The following ANKRD6 variants were observed in gnomAD, a reference collection of about 807,000 sequenced individuals.
The protein encoded by ANKRD6 is ankyrin repeat domain 6, also known as ankyrin repeat domain-containing protein 6.
A neutral mutation model predicts 82.3 loss-of-function variants in ANKRD6; 56 were observed. The ratio of observed to expected loss-of-function variants is 0.68; its 90% CI spans 0.55 to 0.85. The LOEUF (loss-of-function observed/expected upper bound fraction) is 0.85, where lower values mean the gene tolerates loss of function less well. Ranked by LOEUF, ANKRD6 falls within the 40% of genes least tolerant of loss-of-function variation. The pLI is 0.00. For missense variants in ANKRD6, 852 were observed against 907.6 expected, an observed-to-expected ratio of 0.94 and a Z score of 0.79; for synonymous variants, 347 against 352.1, an observed-to-expected ratio of 0.99 and a Z score of 0.16.
chr6:89,612,835 G>A (rs939324267), intron 6 of ANKRD6, among the ~76,000 whole-genome samples: 24 of 152,210 alleles, frequency 1.6e-4, no homozygotes, highest in Non-Finnish European at 2.9e-4. Flanking sequence ...TGAGCTGACC[G>A]GAAAGGTCAC....
At chr6:89,502,425 C>T (rs917291643) in intron 1 of ANKRD6, among the ~76,000 whole-genome samples, 3 of 152,008 alleles carry the variant, frequency 2.0e-5, no homozygotes, top group African/African-American at 7.2e-5. Context: ...GCAGGTGGAT[C>T]GCTTGAGCCC....
intron 1 of ANKRD6, among the ~76,000 whole-genome samples, chr6:89,544,114 G>A (rs537140124): frequency 2.6e-5 from 4 of 152,134 alleles, no homozygotes; most frequent in Non-Finnish European, 5.9e-5. Flanking sequence ...TGGGATCATG[G>A]TCTGATGGTT....
chr6:89,490,225 C>T (rs1014612935), intron 1 of ANKRD6, among the ~76,000 whole-genome samples: 5 of 152,204 alleles, frequency 3.3e-5, no homozygotes, highest in Admixed American at 6.5e-5. Flanking sequence ...TTAGCAATCA[C>T]CTCAGTCAGT....
chr6:89,532,260 A>G (rs1464686049), intron 1 of ANKRD6, among the ~76,000 whole-genome samples: 1 of 152,226 alleles, frequency 6.6e-6, no homozygotes. Flanking sequence ...CCAAATTGAC[A>G]TTATTAACCA....
intron 1 of ANKRD6, among the ~76,000 whole-genome samples, chr6:89,533,868 C>T (rs1448319556): frequency 1.3e-5 from 2 of 152,010 alleles, no homozygotes; most frequent in Non-Finnish European, 2.9e-5. Context: ...GGGGAAGCTG[C>T]TTTCTTTGAG....
chr6:89,580,240 A>C (rs996388517), intron 2 of ANKRD6, among the ~76,000 whole-genome samples: 45 of 150,818 alleles, frequency 3.0e-4, no homozygotes, highest in African/African-American at 1.1e-3. Flanking sequence ...AACTCTCTTA[A>C]TTGTTACAGA....
chr6:89,623,528 G>A lies in ANKRD6; in HGVS notation c.1016G>A (p.Arg339Lys), dbSNP rs1272759745. 3.2e-6 allele frequency: 5 copies of A among 1,585,142 alleles called. No individual in the cohort carries two copies. Among genetic ancestry groups the A allele is most frequent in the Non-Finnish European group, 4.3e-6 (5 of 1,165,722 alleles). Residue 339 changes from arginine (R) to lysine (K), a missense_variant, in exon 11 of 16, where the codon AGA (arginine) becomes AAA (lysine). Coordinates refer to ENST00000339746, the MANE Select transcript of ANKRD6 (RefSeq NM_001242809.2). The stretch of plus-strand genomic sequence containing the variant: ...CCCAGAGCAAAGGATGACAGGAGGA[G>A]AAAGTCAAGGCCCAAGGTCAGGAGA... ...PEPRAKDDRR[R>K]KSRPKVSAFS...
At chr6:89,573,364 C>A (rs1276110448) in intron 2 of ANKRD6, among the ~76,000 whole-genome samples, 1 of 152,194 alleles carries the variant, frequency 6.6e-6, no homozygotes, top group Admixed American at 6.5e-5. Context: ...CATCTACTAT[C>A]TGATAACTCT....
chr6:89,558,181 G>A (rs564844113), intron 1 of ANKRD6, among the ~76,000 whole-genome samples: 1 of 152,214 alleles, frequency 6.6e-6, no homozygotes, highest in South Asian at 2.1e-4. Flanking sequence ...AAAGCTAAAC[G>A]CTGTGCTGCC....
At chr6:89,541,387 C>CTTTTTTTTTTTTT (rs58643589) in intron 1 of ANKRD6, among the ~76,000 whole-genome samples, 3 of 64,102 alleles carry the variant, frequency 4.7e-5, no homozygotes, top group African/African-American at 6.6e-5. Context: ...TTACGTGTGG[C>CTTTTTTTTTTTTT]TTTTTTTTTT....
At chr6:89,538,122 T>A (rs543000702) in intron 1 of ANKRD6, among the ~76,000 whole-genome samples, 2 of 152,346 alleles carry the variant, frequency 1.3e-5, no homozygotes, top group African/African-American at 2.4e-5. Flanking sequence ...TACATTTTTT[T>A]AATTGTCACA....
chr6:89,435,544 T>A (rs183174389), intron 1 of ANKRD6, among the ~76,000 whole-genome samples: 1 of 152,300 alleles, frequency 6.6e-6, no homozygotes, highest in African/African-American at 2.4e-5. Context: ...GAGGGTAAGA[T>A]ACAAACCACA....
At chr6:89,560,715 C>G (rs529388697) in intron 1 of ANKRD6, among the ~76,000 whole-genome samples, 1 of 152,062 alleles carries the variant, frequency 6.6e-6, no homozygotes, top group Admixed American at 6.5e-5. Context: ...CCCAGCTACT[C>G]GGGAAGCTGA....
chr6:89,434,682 C>A (rs1036425280), intron 1 of ANKRD6, among the ~76,000 whole-genome samples: 1 of 152,140 alleles, frequency 6.6e-6, no homozygotes, highest in Admixed American at 6.6e-5. Flanking sequence ...GTCTCAGCCT[C>A]CCAAAGTGTT....
In ANKRD6 at chr6:89,607,655, C is replaced by CTTT. The variant is rs10598205; in HGVS notation, c.417+1565_417+1567dup. Among the ~76,000 whole-genome samples, 63 of 135,820 alleles carry CTTT rather than the reference C, an allele frequency of 4.6e-4. 1 individual carries two copies. Among genetic ancestry groups the CTTT allele is most frequent in the Middle Eastern group, 4.0e-3 (1 of 252 alleles). The allele number at this position is 135,820 out of a possible 152,430, so 89.1% of individuals were successfully genotyped here. A position where few individuals can be genotyped will look rare whatever the true frequency, so the allele number is the denominator to read the frequency against. ...TTTCTTTTACAATTGGGAGAAGAGA[C>CTTT]TTTTTTTTTTTTTTTTTGGATACAG... On this transcript the variant is annotated intron_variant, in intron 5 of 15. Coordinates refer to ENST00000339746, the MANE Select transcript of ANKRD6 (RefSeq NM_001242809.2).
In ANKRD6 at chr6:89,468,869, C is replaced by T. The variant is rs187858859; in HGVS notation, c.-144+35494C>T. 1.1e-4 allele frequency among the ~76,000 whole-genome samples: 17 copies of T among 152,198 alleles called. 1 individual carries two copies. Among genetic ancestry groups the T allele is most frequent in the Admixed American group, 1.0e-3 (16 of 15,276 alleles). ...TGATTTTCCCTTCCTTAGCTTCTCC[C>T]TTCCTTTCCTCCCGCCCCTTACCTC... On this transcript the variant is annotated intron_variant, in intron 1 of 15. Coordinates refer to ENST00000339746, the MANE Select transcript of ANKRD6 (RefSeq NM_001242809.2).
intron 1 of ANKRD6, among the ~76,000 whole-genome samples, chr6:89,535,010 A>G (rs1385484124): frequency 1.3e-5 from 2 of 152,208 alleles, no homozygotes; most frequent in East Asian, 1.9e-4. Context: ...AAACCTGGCA[A>G]ACCATTAGCA....
At chr6:89,594,485 G>A (rs1388262768) in intron 2 of ANKRD6, among the ~76,000 whole-genome samples, 1 of 151,860 alleles carries the variant, frequency 6.6e-6, no homozygotes, top group Non-Finnish European at 1.5e-5. Flanking sequence ...TTTGAAACAA[G>A]CAACACAATG....
chr6:89,470,141 C>G (rs180933476), intron 1 of ANKRD6, among the ~76,000 whole-genome samples: 1 of 152,322 alleles, frequency 6.6e-6, no homozygotes, highest in Admixed American at 6.5e-5. Context: ...CACACATACA[C>G]ACACTCAATA....
Sources: allele counts gnomAD v4.1 joint callset (sites outside exome capture counted in the v4.1 genomes callset), GRCh38; gene constraint gnomAD v4.1.1; transcripts MANE v1.5; gene names NCBI Gene and HGNC (gene_info 2026-07-23, HGNC 2026-07-21).